Variants in L3MBTL4 observed in about 807,000 individuals in gnomAD.
L3MBTL4 encodes the protein L3MBTL histone methyl-lysine binding protein 4.
A neutral mutation model predicts 84.5 loss-of-function variants in L3MBTL4; 70 were observed. The observed-to-expected ratio is 0.83, with a 90% CI of 0.68 to 1.01. The LOEUF (loss-of-function observed/expected upper bound fraction) is 1.01, where lower values mean the gene tolerates loss of function less well. Among genes scored for constraint, L3MBTL4 ranks in the 50% least tolerant of loss-of-function variants. L3MBTL4 has a pLI of 0.00. For missense variants in L3MBTL4, 715 were observed against 754.8 expected, an observed-to-expected ratio of 0.95 and a Z score of 0.62; for synonymous variants, 274 against 259.8, an observed-to-expected ratio of 1.05 and a Z score of -0.52.
intron 10 of L3MBTL4, among the ~76,000 whole-genome samples, chr18:6,217,177 T>C (rs2046361844): frequency 6.6e-6 from 1 of 152,180 alleles, no homozygotes; most frequent in African/African-American, 2.4e-5. Context: ...GTGGATAGAC[T>C]GAACATTTTT....
intron 16 of L3MBTL4, among the ~76,000 whole-genome samples, chr18:6,056,965 A>G (rs1405944683): frequency 6.6e-6 from 1 of 152,230 alleles, no homozygotes. Context: ...TATTACTATC[A>G]TAGTGAACAT....
chr18:6,402,742 G>A (rs541244377), intron 1 of L3MBTL4, among the ~76,000 whole-genome samples: 7 of 152,118 alleles, frequency 4.6e-5, no homozygotes, highest in Admixed American at 2.6e-4. Flanking sequence ...ATTTCAAGGC[G>A]GAAGTTTTAG....
intron 1 of L3MBTL4, among the ~76,000 whole-genome samples, chr18:6,389,817 A>C (rs1030549342): frequency 6.6e-6 from 1 of 152,192 alleles, no homozygotes; most frequent in South Asian, 2.1e-4. Flanking sequence ...TACTACACCT[A>C]AGAAATGAGA....
At chr18:6,176,413 A>G (rs972435908) in intron 12 of L3MBTL4, among the ~76,000 whole-genome samples, 3 of 152,192 alleles carry the variant, frequency 2.0e-5, no homozygotes, top group Non-Finnish European at 2.9e-5. Flanking sequence ...ATATGCAGTC[A>G]ATTGATTTTC....
intron 16 of L3MBTL4, among the ~76,000 whole-genome samples, chr18:6,034,319 C>T (rs1349507855): frequency 1.3e-5 from 2 of 152,016 alleles, no homozygotes; most frequent in Non-Finnish European, 2.9e-5. Context: ...CACAACAGTC[C>T]CCAGAGTGTG....
chr18:6,226,566 T>C (rs1402464326), intron 10 of L3MBTL4, among the ~76,000 whole-genome samples: 2 of 151,920 alleles, frequency 1.3e-5, no homozygotes, highest in Non-Finnish European at 2.9e-5. Context: ...AAAATAGTCA[T>C]CTAGAACTAA....
intron 1 of L3MBTL4, among the ~76,000 whole-genome samples, chr18:6,334,423 GTACTC>G (rs2052218251): frequency 6.6e-6 from 1 of 152,112 alleles, no homozygotes; most frequent in Non-Finnish European, 1.5e-5. Context: ...AAGTGATTCA[GTACTC>G]AGACTCGGAA....
intron 16 of L3MBTL4, among the ~76,000 whole-genome samples, chr18:5,997,350 A>G (rs1249700823): frequency 7.0e-6 from 1 of 142,134 alleles, no homozygotes; most frequent in African/African-American, 3.1e-5. Flanking sequence ...CCTTCCTCAC[A>G]ATTTGCCCAT....
intron 1 of L3MBTL4, among the ~76,000 whole-genome samples, chr18:6,410,340 C>T (rs763505645): frequency 1.9e-4 from 29 of 152,226 alleles, no homozygotes; most frequent in Admixed American, 1.9e-3. Flanking sequence ...CTTCTTCAGG[C>T]TTACTTAAAG....
chr18:6,221,273 G>C (rs1210646740), intron 10 of L3MBTL4, among the ~76,000 whole-genome samples: 3 of 152,118 alleles, frequency 2.0e-5, no homozygotes, highest in Non-Finnish European at 4.4e-5. Flanking sequence ...AATTATACTG[G>C]TGGCCAATTC....
chr18:6,379,905 C>G (rs1336377098), intron 1 of L3MBTL4, among the ~76,000 whole-genome samples: 1 of 152,146 alleles, frequency 6.6e-6, no homozygotes, highest in Non-Finnish European at 1.5e-5. Flanking sequence ...CCAGCTCCTC[C>G]TTGTACCTCT....
intron 5 of L3MBTL4, among the ~76,000 whole-genome samples, chr18:6,250,009 C>A (rs1007794704): frequency 1.3e-5 from 2 of 152,196 alleles, no homozygotes; most frequent in South Asian, 4.1e-4. Flanking sequence ...GGCAACTAAA[C>A]AGGCAAAACG....
At chr18:6,391,667 T>C (rs556509252) in intron 1 of L3MBTL4, among the ~76,000 whole-genome samples, 2 of 151,964 alleles carry the variant, frequency 1.3e-5, no homozygotes, top group South Asian at 2.1e-4. Flanking sequence ...CACAGATTAA[T>C]AGCACCACTA....
chr18:6,269,769 A>T (rs1292148075), intron 4 of L3MBTL4, among the ~76,000 whole-genome samples: 4 of 152,202 alleles, frequency 2.6e-5, no homozygotes, highest in Admixed American at 2.0e-4. Flanking sequence ...AAATCATAAG[A>T]AAAAAACGAA....
At chr18:6,257,838 G>C in intron 5 of L3MBTL4, among the ~76,000 whole-genome samples, 1 of 151,772 alleles carries the variant, frequency 6.6e-6, no homozygotes, top group African/African-American at 2.4e-5. Context: ...TAGAGACGGG[G>C]TTTCTCCATG....
intron 1 of L3MBTL4, among the ~76,000 whole-genome samples, chr18:6,394,451 G>T (rs2055189571): frequency 6.6e-6 from 1 of 152,132 alleles, no homozygotes; most frequent in South Asian, 2.1e-4. Context: ...CTGGGTGACA[G>T]AGCAAGACTC....
At chr18:6,250,879 C>T (rs1274273733) in intron 5 of L3MBTL4, among the ~76,000 whole-genome samples, 2 of 152,226 alleles carry the variant, frequency 1.3e-5, no homozygotes, top group Non-Finnish European at 2.9e-5. Context: ...TCAGCAACAT[C>T]TTCCACATAT....
In L3MBTL4 at chr18:6,171,921, G is replaced by T; in HGVS notation, c.1003C>A (p.His335Asn). 1 of 1,550,918 alleles carries T rather than the reference G, an allele frequency of 6.4e-7. No homozygotes were observed. Among genetic ancestry groups the T allele is most frequent in the African/African-American group, 1.4e-5 (1 of 73,462 alleles). Residue 335 changes from histidine (H) to asparagine (N), a missense_variant, in exon 13 of 19, where the codon CAT becomes AAT. Transcript: ENST00000317931. ...RVKVHFDGWD[H>N]KYDYWVEADS... ...GCCTCCACCCAGTAGTCATACTTAT[G>T]GTCCCAACCATCAAAATGAACCTGT...
intron 16 of L3MBTL4, among the ~76,000 whole-genome samples, chr18:6,051,178 C>T (rs1432848327): frequency 6.6e-6 from 1 of 152,246 alleles, no homozygotes; most frequent in Non-Finnish European, 1.5e-5. Context: ...GACTAAAATT[C>T]TGCCGACTCT....
Sources: allele counts gnomAD v4.1 joint callset (sites outside exome capture counted in the v4.1 genomes callset), GRCh38; gene constraint gnomAD v4.1.1; transcripts MANE v1.5; gene names NCBI Gene and HGNC (gene_info 2026-07-23, HGNC 2026-07-21).